PATJ: variants seen among roughly 807,000 people sequenced by gnomAD.
PATJ encodes the protein PATJ crumbs cell polarity complex component.
Under a neutral mutation model 224.9 loss-of-function variants are expected in PATJ, and 190 were observed. The observed-to-expected ratio is 0.84, with a 90% confidence interval of 0.75 to 0.95. The LOEUF is 0.95. Ranked by LOEUF, PATJ falls within the 40% of genes least tolerant of loss-of-function variation. PATJ has a pLI of 0.00. For synonymous variants in PATJ, 769 were observed against 820.3 expected, an observed-to-expected ratio of 0.94 and a Z score of 1.07; for missense variants, 2,121 against 2,270.3, an observed-to-expected ratio of 0.93 and a Z score of 1.34.
At chr1:62,025,456 C>T (rs1267245542) in intron 29 of PATJ, among the ~76,000 whole-genome samples, 2 of 152,108 alleles carry the variant, frequency 1.3e-5, no homozygotes, top group Non-Finnish European at 2.9e-5. Context: ...TGTATCTGAA[C>T]GTTTAGGATT....
At chr1:61,764,214 C>T (rs938560007) in intron 3 of PATJ, among the ~76,000 whole-genome samples, 5 of 152,070 alleles carry the variant, frequency 3.3e-5, no homozygotes, top group Non-Finnish European at 7.4e-5. Context: ...AGTCACACTT[C>T]TCTTAATTAT....
chr1:61,861,497 T>G, intron 18 of PATJ, 54 bp from the exon 19 acceptor site: 1 of 796,686 alleles, frequency 1.3e-6, no homozygotes, highest in Non-Finnish European at 2.1e-6. Context: ...CTCCCCTTGC[T>G]CCCCACCCCA....
intron 38 of PATJ, 127 bp downstream of exon 38, chr1:62,121,422 G>A: frequency 1.6e-6 from 1 of 644,208 alleles, no homozygotes; most frequent in Non-Finnish European, 2.7e-6. Flanking sequence ...GGCCACATAA[G>A]CTGAGCTTTC....
In PATJ at chr1:61,787,959, A is replaced by G; in HGVS notation, c.1055A>G (p.Lys352Arg). The G allele has an allele frequency of 6.2e-7, 1 of 1,612,962 alleles. No individual in the cohort carries two copies. Among genetic ancestry groups the G allele is most frequent in the South Asian group, 1.1e-5 (1 of 91,024 alleles). ...LPVALPTVAS[K>R]GPGSDSSLFE... ...GTTGCCCTGCCTACTGTAGCCAGCA[A>G]GGGCCCTGGTTCTGTGAGTATACAT... The change falls in exon 8 of 44, where the codon AAG (lysine) becomes AGG (arginine). Residue 352 changes from lysine to arginine, a missense_variant. Physicochemically the swap from Lys to Arg is conservative, Grantham distance 26 (BLOSUM62 2). Coordinates refer to ENST00000642238, the MANE Select transcript of PATJ (RefSeq NM_001350145.3).
At chr1:61,768,720 C>T (rs888203012) in intron 4 of PATJ, among the ~76,000 whole-genome samples, 4 of 150,158 alleles carry the variant, frequency 2.7e-5, no homozygotes, top group East Asian at 2.0e-4. Context: ...GGCAACATGG[C>T]GAAACCCCGT....
intron 1 of PATJ, among the ~76,000 whole-genome samples, chr1:61,746,281 A>G (rs1299796798): frequency 6.6e-6 from 1 of 151,860 alleles, no homozygotes; most frequent in African/African-American, 2.4e-5. Context: ...GTCTCGTTAT[A>G]TTGCTCAGGC....
chr1:61,899,654 T>G lies in PATJ; in HGVS notation c.3203T>G (p.Ile1068Ser). The G allele has an allele frequency of 6.3e-7, 1 of 1,599,704 alleles. No individual in the cohort carries two copies. Among genetic ancestry groups the G allele is most frequent in the Non-Finnish European group, 8.5e-7 (1 of 1,172,522 alleles). ...PNFSHWGPPR[I>S]VEIFREPNVS... is the part of the protein sequence containing the mutation. ...TTTAGCCACTGGGGTCCACCGAGAATGTATGTGGATGACATTATTGTGGCT... is the reference window on the plus strand; with the variant it reads ...TTTAGCCACTGGGGTCCACCGAGAAGGTATGTGGATGACATTATTGTGGCT... Residue 1068 changes from isoleucine to serine, a missense_variant and splice_region_variant, in exon 23 of 44, where the codon ATT (isoleucine) becomes AGT (serine). Ile to Ser is a moderately radical substitution (Grantham distance 142). Transcript: ENST00000642238.
At chr1:61,864,140 T>G (rs1665043258) in intron 19 of PATJ, 98 bp from the exon 20 acceptor site, 1 of 965,524 alleles carries the variant, frequency 1.0e-6, no homozygotes, top group African/African-American at 1.6e-5. Context: ...CCTTGGCATA[T>G]GCAGTCACGC....
chr1:61,892,050 C>T (rs749102043), intron 22 of PATJ, among the ~76,000 whole-genome samples: 4 of 152,148 alleles, frequency 2.6e-5, no homozygotes, highest in African/African-American at 4.8e-5. Context: ...CAAGGAAATG[C>T]CTAATTCTTT....
chr1:61,790,036 A>C (rs2148499884), intron 8 of PATJ, among the ~76,000 whole-genome samples: 1 of 152,022 alleles, frequency 6.6e-6, no homozygotes, highest in East Asian at 1.9e-4. Flanking sequence ...TTAAAAGATG[A>C]GTATTGAAAG....
At chr1:61,765,065 C>CTTTTTT (rs1491546787) in intron 3 of PATJ, among the ~76,000 whole-genome samples, 21 of 17,008 alleles carry the variant, frequency 1.2e-3, no homozygotes, top group South Asian at 7.6e-3. Context: ...TATTGACATT[C>CTTTTTT]ATTTTTTTTT....
Position 61,775,345 on chromosome 1 carries a change from C to T in PATJ, c.849+11C>T. 1 of 1,597,344 alleles carries T rather than the reference C, an allele frequency of 6.3e-7. No homozygotes were observed. The highest frequency in any genetic ancestry group is 8.5e-7 in the Non-Finnish European group (1 of 1,174,992). Reference sequence around the variant, plus strand: ...GGATTAGCAGATCGAGTAAGTCAACCTTCCTTGTTATCATTTTGGTTTTAT... The same window carrying T: ...GGATTAGCAGATCGAGTAAGTCAACTTTCCTTGTTATCATTTTGGTTTTAT... On this transcript the variant is annotated intron_variant, in intron 7 of 43. Transcript: ENST00000642238.
chr1:62,036,512 A>G (rs1333737033), intron 29 of PATJ, among the ~76,000 whole-genome samples: 1 of 152,184 alleles, frequency 6.6e-6, no homozygotes, highest in Non-Finnish European at 1.5e-5. Context: ...CGTGTAAGAC[A>G]TCTAGTGGAG....
At chr1:62,136,665 CTGTGTGTGTGTG>C (rs71050202) in intron 41 of PATJ, among the ~76,000 whole-genome samples, 1 of 46,834 alleles carries the variant, frequency 2.1e-5, no homozygotes, top group Non-Finnish European at 4.2e-5. Context: ...GTGTGTGTGT[CTGTGTGTGTGTG>C]TGTGTGTGTG....
intron 33 of PATJ, among the ~76,000 whole-genome samples, chr1:62,106,548 G>A (rs1031868952): frequency 6.6e-6 from 1 of 151,918 alleles, no homozygotes; most frequent in East Asian, 1.9e-4. Flanking sequence ...TGTGTATTTT[G>A]TCTATCTTGT....
In PATJ at chr1:61,771,446, G is replaced by A. The variant is rs1264814224; in HGVS notation, c.540G>A (p.Lys180=). 1.9e-6 allele frequency: 3 copies of A among 1,587,748 alleles called. No individual in the cohort carries two copies. The highest frequency in any genetic ancestry group is 2.6e-6 in the Non-Finnish European group (3 of 1,169,844). Residue 180 remains lysine, a synonymous_variant, in exon 6 of 44, where the codon AAG becomes AAA. Coordinates refer to ENST00000642238, the MANE Select transcript of PATJ (RefSeq NM_001350145.3). ...GSVADRDQRL[K]ENDQILAINH... is the part of the protein sequence containing the mutation. ...CATGATTAAGGGATCAAAGATTAAAGGAAAATGATCAAATATTGGCCATTA... is the reference window on the plus strand; with the variant it reads ...CATGATTAAGGGATCAAAGATTAAAAGAAAATGATCAAATATTGGCCATTA...
chr1:61,988,459 C>G (rs1478925074), intron 27 of PATJ, among the ~76,000 whole-genome samples: 1 of 152,152 alleles, frequency 6.6e-6, no homozygotes, highest in Non-Finnish European at 1.5e-5. Flanking sequence ...GCATCTTGTT[C>G]TTGGTTGCCG....
chr1:61,940,734 A>AAG (rs1187959800), intron 27 of PATJ, among the ~76,000 whole-genome samples: 1 of 151,192 alleles, frequency 6.6e-6, no homozygotes, highest in African/African-American at 2.4e-5. Context: ...AAAAAAAAAA[A>AAG]GAGAAAAAGA....
chr1:61,959,892 A>G (rs1681027876), intron 27 of PATJ, among the ~76,000 whole-genome samples: 1 of 152,064 alleles, frequency 6.6e-6, no homozygotes, highest in African/African-American at 2.4e-5. Flanking sequence ...GCATGGTGGC[A>G]TGCACCTGTA....
Sources: gnomAD v4.1 joint callset for allele counts (sites outside exome capture counted in the v4.1 genomes callset) on GRCh38, gnomAD v4.1.1 for gene constraint, MANE v1.5 for transcripts, NCBI Gene and HGNC (gene_info 2026-07-23, HGNC 2026-07-21) for gene names.